The following NFU1 variants were observed in gnomAD, a reference collection of about 807,000 sequenced individuals.
NFU1 encodes NFU1 iron-sulfur cluster scaffold, also known as NFU1 iron-sulfur cluster scaffold homolog, mitochondrial.
Under a neutral mutation model 32.2 loss-of-function variants are expected in NFU1, and 30 were observed. The ratio of observed to expected loss-of-function variants is 0.93; its 90% confidence interval spans 0.70 to 1.26. The LOEUF (loss-of-function observed/expected upper bound fraction) is 1.26, where lower values mean the gene tolerates loss of function less well. Among genes scored for constraint, NFU1 ranks in the 50% most tolerant of loss-of-function variants. The pLI is 0.00. For synonymous variants in NFU1, 112 were observed against 104.6 expected (o/e 1.07, Z -0.43); for missense variants, 306 against 306.6 (o/e 1.00, Z 0.02).
intron 1 of NFU1, among the ~76,000 whole-genome samples, chr2:69,433,355 T>C (rs1673713054): frequency 6.6e-6 from 1 of 151,436 alleles, no homozygotes; most frequent in African/African-American, 2.4e-5. Context: ...ATTTTTGTAC[T>C]TTTTAGTAGA....
chr2:69,398,473 T>C (rs982145295), intron 7 of NFU1, among the ~76,000 whole-genome samples: 8 of 152,328 alleles, frequency 5.3e-5, no homozygotes, highest in African/African-American at 1.7e-4. Context: ...GCCTCTAAGT[T>C]TTCTACTTAA....
intron 4 of NFU1, 123 bp downstream of exon 4, chr2:69,419,415 G>C: frequency 1.5e-6 from 1 of 652,228 alleles, no homozygotes; most frequent in Non-Finnish European, 2.8e-6. Flanking sequence ...GTAAGACCCT[G>C]TCTCAAAAAT....
At chr2:69,408,769 T>TATATATATATATATAC (rs1219902624) in intron 5 of NFU1, among the ~76,000 whole-genome samples, 2 of 133,644 alleles carry the variant, frequency 1.5e-5, no homozygotes, top group Non-Finnish European at 3.2e-5. Flanking sequence ...TATATATATA[T>TATATATATATATATAC]ACACACACAC....
chr2:69,419,365 A>C (rs1037620125), intron 4 of NFU1, among the ~76,000 whole-genome samples, 173 bp downstream of exon 4: 5 of 152,096 alleles, frequency 3.3e-5, no homozygotes, highest in African/African-American at 1.2e-4. Flanking sequence ...AAAACATAGC[A>C]TATTTCGCTT....
chr2:69,411,435 T>C (rs1672874169), intron 5 of NFU1, among the ~76,000 whole-genome samples: 1 of 152,116 alleles, frequency 6.6e-6, no homozygotes, highest in African/African-American at 2.4e-5. Flanking sequence ...AAAGATGAAC[T>C]AATGTAACCA....
chr2:69,424,132 A>C (rs887661551), intron 2 of NFU1, among the ~76,000 whole-genome samples: 1 of 125,766 alleles, frequency 8.0e-6, no homozygotes, highest in African/African-American at 3.0e-5. Flanking sequence ...AGATTGCACC[A>C]CTGCACTCCA....
chr2:69,431,025 A>G (rs1290712409), intron 2 of NFU1, among the ~76,000 whole-genome samples: 2 of 152,250 alleles, frequency 1.3e-5, no homozygotes, highest in Non-Finnish European at 2.9e-5. Flanking sequence ...CATTACAGTC[A>G]TCACACTTCA....
At chr2:69,411,888 C>G (rs138082288) in intron 5 of NFU1, among the ~76,000 whole-genome samples, 55 of 152,172 alleles carry the variant, frequency 3.6e-4, no homozygotes, top group African/African-American at 1.2e-3. Flanking sequence ...GCGTGGTGTC[C>G]AGCCCAGAAT....
intron 2 of NFU1, among the ~76,000 whole-genome samples, chr2:69,431,369 G>A (rs982487401): frequency 6.6e-6 from 1 of 152,160 alleles, no homozygotes; most frequent in Non-Finnish European, 1.5e-5. Flanking sequence ...ACAGTGGTGT[G>A]ATCACGGCTC....
intron 5 of NFU1, among the ~76,000 whole-genome samples, chr2:69,411,510 G>T (rs771836558): frequency 6.6e-6 from 1 of 152,242 alleles, no homozygotes; most frequent in Non-Finnish European, 1.5e-5. Flanking sequence ...TTAAGTCACA[G>T]TTAGGGAGAT....
At chr2:69,404,351 G>A (rs112913113) in intron 6 of NFU1, among the ~76,000 whole-genome samples, 6 of 149,834 alleles carry the variant, frequency 4.0e-5, no homozygotes, top group Non-Finnish European at 8.9e-5. Flanking sequence ...AATTAGCTGG[G>A]TGTGGTGGTA....
At chr2:69,434,037 C>T (rs1179390192) in intron 1 of NFU1, among the ~76,000 whole-genome samples, 1 of 152,030 alleles carries the variant, frequency 6.6e-6, no homozygotes, top group Admixed American at 6.5e-5. Context: ...CCCACTTTGG[C>T]CTCCCAAAGT....
At chr2:69,398,670 G>A (rs1672415381) in intron 7 of NFU1, among the ~76,000 whole-genome samples, 1 of 152,154 alleles carries the variant, frequency 6.6e-6, no homozygotes, top group South Asian at 2.1e-4. Flanking sequence ...TGGTATATAA[G>A]CCCTGAGTCT....
intron 3 of NFU1, among the ~76,000 whole-genome samples, chr2:69,421,388 C>T (rs7559850): frequency 0.68 from 102,828 of 151,584 alleles, 36,417 homozygotes; most frequent in African/African-American, 0.9. Flanking sequence ...AATGGCTGTA[C>T]GTATAGAAAT....
intron 2 of NFU1, among the ~76,000 whole-genome samples, chr2:69,430,679 A>G (rs1340313281): frequency 6.6e-6 from 1 of 152,220 alleles, no homozygotes; most frequent in African/African-American, 2.4e-5. Flanking sequence ...TACAAAGTTT[A>G]AAAGTCCAAT....
intron 1 of NFU1, among the ~76,000 whole-genome samples, chr2:69,434,133 C>T (rs1673747793): frequency 6.7e-6 from 1 of 149,720 alleles, no homozygotes; most frequent in African/African-American, 2.5e-5. Context: ...TGTAACTTCA[C>T]TTCACTTTTT....
At chr2:69,431,085 A>AT (rs1673623089) in intron 2 of NFU1, among the ~76,000 whole-genome samples, 1 of 152,208 alleles carries the variant, frequency 6.6e-6, no homozygotes, top group African/African-American at 2.4e-5. Context: ...ATTAAAGTAT[A>AT]TATCTCGTTA....
intron 1 of NFU1, among the ~76,000 whole-genome samples, chr2:69,436,236 A>G (rs919461854): frequency 6.6e-6 from 1 of 152,176 alleles, no homozygotes; most frequent in African/African-American, 2.4e-5. Flanking sequence ...AATCCAGAGA[A>G]TCCATGTAAA....
At chr2:69,410,987 T>A (rs1318480013) in intron 5 of NFU1, 2 of 152,070 alleles carry the variant, frequency 1.3e-5, no homozygotes, top group African/African-American at 2.4e-5. Flanking sequence ...TATCATATAC[T>A]ATACTAATTG....
Sources: allele counts gnomAD v4.1 joint callset (sites outside exome capture counted in the v4.1 genomes callset), GRCh38; gene constraint gnomAD v4.1.1; transcripts MANE v1.5; gene names NCBI Gene and HGNC (gene_info 2026-07-23, HGNC 2026-07-21).